KIF7: variants seen among roughly 807,000 people sequenced by gnomAD.
KIF7 encodes the protein kinesin-like protein KIF7.
Under a neutral mutation model 135.7 loss-of-function variants are expected in KIF7, and 104 were observed. That is an observed-to-expected ratio of 0.77 (90% CI 0.65 to 0.90). The LOEUF is 0.90. Ranked by LOEUF, KIF7 falls within the 40% of genes least tolerant of loss-of-function variation. KIF7 has a pLI of 0.00. For missense variants in KIF7, 2,005 were observed against 1,839.1 expected, an observed-to-expected ratio of 1.09 and a Z score of -1.65; for synonymous variants, 883 against 809.4, an observed-to-expected ratio of 1.09 and a Z score of -1.54.
downstream of KIF7, chr15:89,625,186 TGCCCCCGCCTCTCCCACA>T: frequency 6.2e-7 from 1 of 1,613,558 alleles, no homozygotes; most frequent in Non-Finnish European, 8.5e-7. Flanking sequence ...GTCACCCCCC[TGCCCCCGCCTCTCCCACA>T]GCACACCTGG....
chr15:89,631,550 T>C lies in KIF7; in HGVS notation c.3056A>G (p.Lys1019Arg), dbSNP rs760531844. Residue 1019 changes from lysine (K) to arginine (R), a missense_variant, in exon 15 of 19, where the codon AAG (lysine) becomes AGG (arginine). Lys to Arg is a conservative substitution (Grantham distance 26). Transcript: ENST00000394412. ...SLRQEKDSLL[K>R]QRLEIDGKLR... ...CTTGCCGTCGATCTCCAGGCGCTGC[T>C]TGAGCAGCGAGTCCTTCTCCTGGCG... 6.3e-6 allele frequency: 10 copies of C among 1,581,802 alleles called. No homozygotes were observed. Among genetic ancestry groups the C allele is most frequent in the African/African-American group, 2.7e-5 (2 of 74,212 alleles).
rs1454294353 is a variant in KIF7 at position 89,628,020 on chromosome 15, TAA to T, written c.*397_*398del. 3 of 170,372 alleles carry T rather than the reference TAA, an allele frequency of 1.8e-5. No individual in the cohort carries two copies. The highest frequency in any genetic ancestry group is 3.7e-5 in the Non-Finnish European group (3 of 80,862). The allele number at this position is 170,372 out of a possible 1,614,324, so 10.6% of individuals were successfully genotyped here. A position where few individuals can be genotyped will look rare whatever the true frequency, so the allele number is the denominator to read the frequency against. On this transcript the variant is annotated 3_prime_UTR_variant, in exon 19 of 19. Transcript: ENST00000394412. ...TTTATTAAATGGTTTTTTAAGATCC[TAA>T]AGTCTCCCAGTTTCCCCTATATACA...
downstream of KIF7, among the ~76,000 whole-genome samples, chr15:89,623,289 C>A (rs192002985): frequency 1.1e-4 from 16 of 152,316 alleles, no homozygotes; most frequent in African/African-American, 3.6e-4. Context: ...GAAATAGCTG[C>A]CTTATCTGAA....
rs1008479181 is a variant in KIF7, at chr15:89,628,042, T to C, written c.*377A>G. The C allele has an allele frequency of 1.1e-5, 2 of 190,452 alleles. No individual in the cohort carries two copies. Among genetic ancestry groups the C allele is most frequent in the South Asian group, 1.7e-4 (1 of 5,752 alleles). The allele number at this position is 190,452 out of a possible 1,614,324, so 11.8% of individuals were successfully genotyped here. ...TCCTAAAGTCTCCCAGTTTCCCCTA[T>C]ATACATAAGACCATTTAAACCACAA... On this transcript the variant is annotated 3_prime_UTR_variant, in exon 19 of 19. Coordinates refer to ENST00000394412, the MANE Select transcript of KIF7 (RefSeq NM_198525.3).
downstream of KIF7, chr15:89,624,718 GC>G (rs774328817): frequency 6.2e-7 from 1 of 1,614,034 alleles, no homozygotes; most frequent in African/African-American, 1.3e-5. Context: ...CCTCAGTGAA[GC>G]CGAACACCAT....
intron 2 of KIF7, among the ~76,000 whole-genome samples, chr15:89,617,849 G>A (rs1294800015): frequency 1.3e-5 from 2 of 152,022 alleles, no homozygotes; most frequent in Non-Finnish European, 1.5e-5. Flanking sequence ...ATGCCACCAC[G>A]CCCAGCTAAT....
At chr15:89,634,697 T>C (rs1023626719) in intron 11 of KIF7, among the ~76,000 whole-genome samples, 4 of 152,198 alleles carry the variant, frequency 2.6e-5, no homozygotes, top group African/African-American at 7.2e-5. Flanking sequence ...GTCTGGCTGA[T>C]TGCTAGCACA....
chr15:89,661,755 CTT>C, the KIF7 span, among the ~76,000 whole-genome samples: 1 of 150,134 alleles, frequency 6.7e-6, no homozygotes, highest in East Asian at 2.0e-4. Context: ...GAGTTTCGCT[CTT>C]GTTGCCCAGG....
rs1741886972 is a variant in KIF7 at position 89,648,590 on chromosome 15, T to G, written c.1108A>C (p.Ser370Arg). The G allele has an allele frequency of 1.3e-6, 2 of 1,523,882 alleles. No individual in the cohort carries two copies. Among genetic ancestry groups the G allele is most frequent in the Non-Finnish European group, 1.8e-6 (2 of 1,139,594 alleles). 94.4% of individuals were successfully genotyped at this position (1,523,882 alleles called of 1,614,324 possible). Reference protein sequence around the residue: ...EAERPPEETASGARGPPRHRS... With the variant: ...EAERPPEETARGARGPPRHRS... The stretch of plus-strand genomic sequence containing the variant: ...TGCCGTGGCGGACCCCGCGCGCCGC[T>G]CGCCGTCTCTTCGGGTGGCCGCTCG... The change falls in exon 5 of 19, where the codon AGC (serine) becomes CGC (arginine). Residue 370 changes from serine to arginine, a missense_variant. By Grantham distance (110) the Ser-to-Arg change is moderately radical (BLOSUM62 -1). Coordinates refer to ENST00000394412, the MANE Select transcript of KIF7 (RefSeq NM_198525.3).
intron 7 of KIF7, among the ~76,000 whole-genome samples, chr15:89,646,360 C>T (rs993114507): frequency 6.6e-6 from 1 of 152,172 alleles, no homozygotes; most frequent in Non-Finnish European, 1.5e-5. Context: ...TGCCAACCCC[C>T]AGCTTTGAGA....
chr15:89,631,129 C>G, intron 15 of KIF7: 1 of 277,138 alleles, frequency 3.6e-6, no homozygotes, highest in Non-Finnish European at 6.9e-6. Flanking sequence ...TAGGCTTTCT[C>G]TCTGCTCAGG....
At chr15:89,626,149 C>T (rs1596061745), downstream of KIF7, 7 of 1,511,618 alleles carry the variant, frequency 4.6e-6, no homozygotes, top group Non-Finnish European at 6.3e-6. Flanking sequence ...TCTAGAGGAG[C>T]CCCAGGGAGT....
chr15:89,645,028 C>A lies in KIF7; in HGVS notation c.2176G>T (p.Glu726Ter). 2 of 1,608,120 alleles carry A rather than the reference C, an allele frequency of 1.2e-6. No homozygotes were observed. The highest frequency in any genetic ancestry group is 1.7e-6 in the Non-Finnish European group (2 of 1,179,984). Reference protein sequence around the residue: ...NIRMKEELIGELVRTGKAAQA... With the variant: ...NIRMKEELIG ...CACGCCTCACCTGTGCGGACCAGCT[C>A]GCCAATAAGCTCCTCCTTCATGCGG... Residue 726 changes from glutamate to a stop codon, truncating the protein, a stop_gained, in exon 10 of 19, where the codon GAG becomes TAG. Coordinates refer to ENST00000394412, the MANE Select transcript of KIF7 (RefSeq NM_198525.3). LOFTEE classifies it high-confidence loss of function.
intron 2 of KIF7, chr15:89,650,146 G>A (rs2142032718): frequency 1.7e-6 from 1 of 592,328 alleles, no homozygotes. Flanking sequence ...TTAAGAGTTG[G>A]AAGCAACCTC....
At chr15:89,655,727 C>G (rs973091385), upstream of KIF7, among the ~76,000 whole-genome samples, 1 of 152,214 alleles carries the variant, frequency 6.6e-6, no homozygotes. Context: ...CCTTCATCCC[C>G]GGTCTCTGTT....
At position 89,628,687 on chromosome 15, in the gene KIF7, G is replaced by GT; in HGVS notation, c.3763dup (p.Thr1255AsnfsTer2). The GT allele has an allele frequency of 6.2e-7, 1 of 1,613,010 alleles. No homozygotes were observed. The highest frequency in any genetic ancestry group is 8.5e-7 in the Non-Finnish European group (1 of 1,179,872). On this transcript the variant is annotated frameshift_variant, in exon 19 of 19. Coordinates refer to ENST00000394412, the MANE Select transcript of KIF7 (RefSeq NM_198525.3). LOFTEE classifies it low-confidence loss of function (END_TRUNC). ...CTCCCGGGTGCGGGGGGCCCCCTCAGTGAGGGGGGACAGCCAGAGAAGCTC... is the reference window on the plus strand; with the variant it reads ...CTCCCGGGTGCGGGGGGCCCCCTCAGTTGAGGGGGGACAGCCAGAGAAGCTC...
intron 1 of KIF7, among the ~76,000 whole-genome samples, chr15:89,618,572 C>T (rs1300838107): frequency 1.3e-5 from 2 of 152,170 alleles, no homozygotes; most frequent in East Asian, 3.8e-4. Flanking sequence ...TTTTCTGAGA[C>T]ATTATCTTTG....
downstream of KIF7, chr15:89,625,913 C>G: frequency 6.5e-7 from 1 of 1,549,574 alleles, no homozygotes; most frequent in Non-Finnish European, 8.7e-7. Context: ...GGACGCTGCT[C>G]TTACTATGTG....
downstream of KIF7, chr15:89,624,574 G>A (rs1446939215): frequency 1.2e-6 from 2 of 1,613,838 alleles, no homozygotes; most frequent in African/African-American, 2.7e-5. Context: ...AGACTCTAGA[G>A]ATGACCAGAA....
Sources: gnomAD v4.1 joint callset for allele counts (sites outside exome capture counted in the v4.1 genomes callset) on GRCh38, gnomAD v4.1.1 for gene constraint, MANE v1.5 for transcripts, NCBI Gene and HGNC (gene_info 2026-07-23, HGNC 2026-07-21) for gene names.